STAT5A: variants seen among roughly 807,000 people sequenced by gnomAD.
STAT5A encodes epididymis secretory sperm binding protein.
Under a neutral mutation model 100.2 loss-of-function variants are expected in STAT5A, and 26 were observed. The ratio of observed to expected loss-of-function variants is 0.26; its 90% confidence interval spans 0.19 to 0.36. The LOEUF is 0.36. Ranked by LOEUF, STAT5A falls within the 10% of genes least tolerant of loss-of-function variation. The pLI, the probability that STAT5A is intolerant of heterozygous loss-of-function variation, is 1.00. For synonymous variants in STAT5A, 330 were observed against 424.3 expected (o/e 0.78, Z 2.73); for missense variants, 634 against 1,027.5 (o/e 0.62, Z 5.24).
intron 3 of STAT5A, 52 bp downstream of exon 3, chr17:42,290,074 G>C: frequency 6.5e-7 from 1 of 1,529,630 alleles, no homozygotes; most frequent in Non-Finnish European, 8.8e-7. Flanking sequence ...TCTTGTTCCA[G>C]CATCAGAACC....
In STAT5A at chr17:42,310,778, TTGTGTGTGTGTGTGTG is replaced by T. The variant is rs3833144; in HGVS notation, c.*117_*132del. 2.8e-6 allele frequency: 4 copies of T among 1,426,458 alleles called. No homozygotes were observed. In the East Asian group the frequency reaches 1.0e-4, roughly 36 times the overall value. The allele number at this position is 1,426,458 out of a possible 1,614,324, so 88.4% of individuals were successfully genotyped here. Reference sequence around the variant, plus strand: ...GACACCTTTGCAGGCATGCATGTGCTTGTGTGTGTGTGTGTGTGTGTGTCCTTGTGCATGAGCTACG... The same window carrying T: ...GACACCTTTGCAGGCATGCATGTGCTTGTGTGTCCTTGTGCATGAGCTACG... On this transcript the variant is annotated 3_prime_UTR_variant, in exon 19 of 19. Transcript: ENST00000590949.
chr17:42,301,298 C>A lies in STAT5A; in HGVS notation c.1013C>A (p.Pro338His). 1 of 1,614,086 alleles carries A rather than the reference C, an allele frequency of 6.2e-7. No individual in the cohort carries two copies. Among genetic ancestry groups the A allele is most frequent in the Non-Finnish European group, 8.5e-7 (1 of 1,180,000 alleles). Residue 338 changes from proline to histidine, a missense_variant, in exon 9 of 19, where the codon CCT (proline) becomes CAT (histidine). Pro to His is a moderately conservative substitution (Grantham distance 77). This residue lies in a region of STAT5A where 98 missense variants were observed against 149.7 expected (regional missense o/e 0.65). Transcript: ENST00000590949. The stretch of plus-strand genomic sequence containing the variant: ...AGCACATTCATCATTGAGAAGCAGC[C>A]TCCTCAGGTCCTGAAGACCCAGACC... Reference protein sequence around the residue: ...VTSTFIIEKQPPQVLKTQTKF... With the variant: ...VTSTFIIEKQHPQVLKTQTKF...
In STAT5A at chr17:42,304,451, G is replaced by A. The variant is rs1291947849; in HGVS notation, c.1257+22G>A. 2.8e-5 allele frequency: 45 copies of A among 1,614,078 alleles called. No homozygotes were observed. Among genetic ancestry groups the A allele is most frequent in the East Asian group, 4.5e-5 (2 of 44,890 alleles). On this transcript the variant is annotated intron_variant, in intron 10 of 18. Coordinates refer to ENST00000590949, the MANE Select transcript of STAT5A (RefSeq NM_001288718.2). The surrounding 1 kb of genome is among the most constrained non-coding windows in gnomAD (Gnocchi z 4.8). The stretch of plus-strand genomic sequence containing the variant: ...CATGGTGAGGACGGGGCCCACCCTC[G>A]GAGGGCAGGTCTGCCCAGAGCTGAG...
chr17:42,300,005 G>A, intron 6 of STAT5A, 124 bp downstream of exon 6: 1 of 1,243,908 alleles, frequency 8.0e-7, no homozygotes, highest in Non-Finnish European at 1.1e-6. Flanking sequence ...TTTTTCCTGG[G>A]GGCCTTGCGA....
At chr17:42,289,666 G>T in intron 2 of STAT5A, 127 bp downstream of exon 2, 1 of 1,437,772 alleles carries the variant, frequency 7.0e-7, no homozygotes, top group Non-Finnish European at 9.2e-7. Context: ...CGGAAGGGGT[G>T]GTGCCCCTGG....
Position 42,308,052 on chromosome 17 carries a change from G to T in STAT5A, c.1907-126G>T. On this transcript the variant is annotated intron_variant, in intron 15 of 18. Transcript: ENST00000590949. The surrounding 1 kb of genome is among the most constrained non-coding windows in gnomAD (Gnocchi z 4.6). ...CCCGCATCGGCTTTCTTCCCTACAG[G>T]CTGGGGCTGCAGCGCAAGCTACTAT... The T allele has an allele frequency of 1.5e-6, 2 of 1,314,914 alleles. No individual in the cohort carries two copies. The highest frequency in any genetic ancestry group is 1.5e-5 in the South Asian group (1 of 68,406). The allele number at this position is 1,314,914 out of a possible 1,614,324, so 81.5% of individuals were successfully genotyped here.
At chr17:42,291,279 T>A (rs1263949269) in intron 3 of STAT5A, among the ~76,000 whole-genome samples, 1 of 152,190 alleles carries the variant, frequency 6.6e-6, no homozygotes, top group African/African-American at 2.4e-5. Flanking sequence ...CAGCTGTAAA[T>A]ACAGATGAAG....
intron 4 of STAT5A, among the ~76,000 whole-genome samples, chr17:42,293,681 G>C (rs2080892616): frequency 6.6e-6 from 1 of 152,218 alleles, no homozygotes; most frequent in African/African-American, 2.4e-5. Flanking sequence ...GAGTGCTAAG[G>C]GGGCCTAGGT....
chr17:42,294,116 T>C (rs1490116486), intron 4 of STAT5A, among the ~76,000 whole-genome samples: 2 of 151,868 alleles, frequency 1.3e-5, no homozygotes, highest in South Asian at 2.1e-4. Context: ...CTCGGGCGGC[T>C]GAGGCAGGAG....
In STAT5A at chr17:42,309,459, G is replaced by T. The variant is rs756725119; in HGVS notation, c.2197G>T (p.Ala733Ser). ...CCCCTCCCCAGCTGTGTGCCCCCAG[G>T]CTCCCTATAACATGTACCCACAGAA... ...QAPSPAVCPQ[A>S]PYNMYPQNPD... The change falls in exon 18 of 19, where the codon GCT becomes TCT. Residue 733 changes from alanine (A) to serine (S), a missense_variant. Ala to Ser is a moderately conservative substitution (Grantham distance 99). Coordinates refer to ENST00000590949, the MANE Select transcript of STAT5A (RefSeq NM_001288718.2). 4 of 1,613,970 alleles carry T rather than the reference G, an allele frequency of 2.5e-6. No homozygotes were observed. Among genetic ancestry groups the T allele is most frequent in the Admixed American group, 3.3e-5 (2 of 60,018 alleles).
intron 3 of STAT5A, 21 bp downstream of exon 3, chr17:42,290,043 A>G: frequency 6.3e-7 from 1 of 1,583,340 alleles, no homozygotes; most frequent in Non-Finnish European, 8.6e-7. Context: ...GCTCTGGGCC[A>G]CCTACGGGGA....
At chr17:42,298,628 T>C (rs1256751399) in intron 5 of STAT5A, among the ~76,000 whole-genome samples, 3 of 152,148 alleles carry the variant, frequency 2.0e-5, no homozygotes, top group South Asian at 4.1e-4. Context: ...CCCGCCACCA[T>C]GCCCGGCTAA....
intron 5 of STAT5A, among the ~76,000 whole-genome samples, chr17:42,297,943 C>G (rs1184560470): frequency 4.0e-5 from 6 of 151,376 alleles, no homozygotes. Flanking sequence ...TGCTGGTGCG[C>G]GCATCTTCTG....
rs756232043 is a variant in STAT5A, at chr17:42,305,672, T to A, written c.1443T>A (p.Thr481=). Residue 481 remains threonine (T), a synonymous_variant, in exon 12 of 19, where the codon ACT becomes ACA. Coordinates refer to ENST00000590949, the MANE Select transcript of STAT5A (RefSeq NM_001288718.2). ...HGSQDHNATA[T]VLWDNAFAEP... ...GCCAGGACCACAATGCCACGGCTAC[T>A]GTGCTGTGGGACAATGCCTTTGCTG... is the stretch of plus-strand genomic sequence containing the variant. 1 of 1,614,178 alleles carries A rather than the reference T, an allele frequency of 6.2e-7. No homozygotes were observed. The highest frequency in any genetic ancestry group is 8.5e-7 in the Non-Finnish European group (1 of 1,180,008).
intron 5 of STAT5A, among the ~76,000 whole-genome samples, chr17:42,296,541 G>C (rs1048926556): frequency 2.0e-5 from 3 of 152,156 alleles, no homozygotes; most frequent in Non-Finnish European, 4.4e-5. Flanking sequence ...TGAGAACAAG[G>C]GGTGTCAAAC....
In STAT5A at chr17:42,292,038, A is replaced by T. The variant is rs2080873841; in HGVS notation, c.352A>T (p.Arg118Trp). 1.2e-6 allele frequency: 2 copies of T among 1,614,024 alleles called. No individual in the cohort carries two copies. The highest frequency in any genetic ancestry group is 1.7e-6 in the Non-Finnish European group (2 of 1,179,918). ...CCGGCACATTCTGTACAATGAACAG[A>T]GGCTGGTCCGAGAAGCCAACAATGT... is the stretch of plus-strand genomic sequence containing the variant. ...CIRHILYNEQ[R>W]LVREANNCSS... The change falls in exon 4 of 19, where the codon AGG (arginine) becomes TGG (tryptophan). Residue 118 changes from arginine to tryptophan, a missense_variant. Arg to Trp is a moderately radical substitution (Grantham distance 101, BLOSUM62 -3). Around this residue, in one of 5 missense-constraint regions of STAT5A, gnomAD observed 207 missense variants for 256.6 expected, o/e 0.81. Transcript: ENST00000590949.
intron 4 of STAT5A, among the ~76,000 whole-genome samples, chr17:42,292,487 C>T (rs921128618): frequency 2.6e-5 from 4 of 151,588 alleles, no homozygotes; most frequent in South Asian, 2.1e-4. Context: ...CACCACCATG[C>T]CCGGTTAATT....
At chr17:42,289,356 C>T (rs2144487564) in intron 1 of STAT5A, 46 bp from the exon 2 acceptor site, 1 of 1,531,622 alleles carries the variant, frequency 6.5e-7, no homozygotes, top group Non-Finnish European at 8.8e-7. Context: ...GGCCCGGTTC[C>T]TTGGCCTCTG....
In STAT5A at chr17:42,309,387, G is replaced by A. The variant is rs762820560; in HGVS notation, c.2125G>A (p.Ala709Thr). ...IKQVVPEFVN[A>T]SADAGGSSAT... ...CTCTTCCTTCTGCAGGTTTGTGAATGCATCTGCAGATGCTGGGGGCAGCAG... is the reference window on the plus strand; with the variant it reads ...CTCTTCCTTCTGCAGGTTTGTGAATACATCTGCAGATGCTGGGGGCAGCAG... Residue 709 changes from alanine to threonine, a missense_variant, in exon 18 of 19, where the codon GCA (alanine) becomes ACA (threonine). Around this residue, in one of 5 missense-constraint regions of STAT5A, gnomAD observed 210 missense variants for 428.4 expected, o/e 0.49. Transcript: ENST00000590949. 1 of 1,612,712 alleles carries A rather than the reference G, an allele frequency of 6.2e-7. No homozygotes were observed. Among genetic ancestry groups the A allele is most frequent in the East Asian group, 2.2e-5 (1 of 44,872 alleles).
Sources: allele counts gnomAD v4.1 joint callset (sites outside exome capture counted in the v4.1 genomes callset), GRCh38; gene constraint gnomAD v4.1.1; regional missense constraint gnomAD v4.1.1; non-coding constraint Gnocchi (gnomAD v3.1); transcripts MANE v1.5; gene names NCBI Gene and HGNC (gene_info 2026-07-23, HGNC 2026-07-21).